Variants in KLHL1 observed in about 807,000 individuals in gnomAD.
The protein encoded by KLHL1 is kelch-like protein 1.
KLHL1 carries 47 observed loss-of-function variants against 77.7 expected under a neutral mutation model. The observed-to-expected ratio is 0.60, with a 90% confidence interval of 0.48 to 0.77. The LOEUF (loss-of-function observed/expected upper bound fraction) is 0.77. Among genes scored for constraint, KLHL1 ranks in the 30% least tolerant of loss-of-function variants. The pLI, the probability that KLHL1 is intolerant of heterozygous loss-of-function variation, is 0.00. For missense variants in KLHL1, 925 were observed against 910.8 expected (o/e 1.02, Z -0.20); for synonymous variants, 360 against 325.2 (o/e 1.11, Z -1.15).
At chr13:69,711,160 A>G (rs1875859330) in intron 9 of KLHL1, among the ~76,000 whole-genome samples, 1 of 152,116 alleles carries the variant, frequency 6.6e-6, no homozygotes, top group Non-Finnish European at 1.5e-5. Flanking sequence ...AAATTGTTTT[A>G]AATATAAAAA....
At chr13:69,860,961 T>C (rs1175843525) in intron 5 of KLHL1, among the ~76,000 whole-genome samples, 2 of 152,018 alleles carry the variant, frequency 1.3e-5, no homozygotes, top group African/African-American at 2.4e-5. Context: ...GTGTTGTTTA[T>C]AAAAATAATC....
At chr13:70,035,483 C>T (rs1251659723) in intron 1 of KLHL1, among the ~76,000 whole-genome samples, 1 of 148,104 alleles carries the variant, frequency 6.8e-6, no homozygotes, top group Non-Finnish European at 1.5e-5. Context: ...TTAATGGGTA[C>T]AAAAAATAAA....
intron 5 of KLHL1, among the ~76,000 whole-genome samples, chr13:69,867,260 T>C (rs1880400523): frequency 6.6e-6 from 1 of 152,228 alleles, no homozygotes; most frequent in East Asian, 1.9e-4. Context: ...GATTTTCTGT[T>C]CCTAAATTCT....
At position 69,975,619 on chromosome 13, in the gene KLHL1, C is replaced by A. The variant is rs752323124; in HGVS notation, c.680+1G>T. ...TTTCCAGTAGAGGCAGACTACTGTA[C>A]CTATGTGCAGGTATCTTTCGGTTCC... On this transcript the variant is annotated splice_donor_variant, in intron 2 of 10. Coordinates refer to ENST00000377844, the MANE Select transcript of KLHL1 (RefSeq NM_020866.3). LOFTEE classifies it high-confidence loss of function. The A allele has an allele frequency of 4.3e-6, 7 of 1,612,472 alleles. No individual in the cohort carries two copies. The Admixed American group carries it at 5.0e-5, about 12-fold the overall frequency.
In KLHL1 at chr13:70,105,609, G is replaced by A. The variant is rs1266764932; in HGVS notation, c.497+1594C>T. 3.3e-5 allele frequency among the ~76,000 whole-genome samples: 5 copies of A among 151,164 alleles called. No homozygotes were observed. The East Asian group carries it at 9.7e-4, about 29-fold the overall frequency. ...CCTAGTTTCCTTTTGAATATATAAG[G>A]TGAATTGCTTAATGTTTCTGGATAA... On this transcript the variant is annotated intron_variant, in intron 1 of 10. Transcript: ENST00000377844.
chr13:69,753,230 G>C (rs187152969), intron 7 of KLHL1, among the ~76,000 whole-genome samples: 1 of 152,034 alleles, frequency 6.6e-6, no homozygotes, highest in African/African-American at 2.4e-5. Context: ...AACCTTCATA[G>C]CTGTTAAAAT....
chr13:69,724,650 C>A (rs1294684178), intron 8 of KLHL1, among the ~76,000 whole-genome samples: 2 of 151,886 alleles, frequency 1.3e-5, no homozygotes, highest in Non-Finnish European at 2.9e-5. Context: ...AAACCATGAC[C>A]AAATAGAATT....
At chr13:69,833,546 T>A (rs1417820824) in intron 6 of KLHL1, among the ~76,000 whole-genome samples, 1 of 151,880 alleles carries the variant, frequency 6.6e-6, no homozygotes, top group Non-Finnish European at 1.5e-5. Context: ...AAAAACAGTA[T>A]GGAGATTCCT....
intron 1 of KLHL1, among the ~76,000 whole-genome samples, chr13:70,042,637 AC>A (rs1886404029): frequency 6.6e-6 from 1 of 152,214 alleles, no homozygotes; most frequent in Non-Finnish European, 1.5e-5. Context: ...AATACATAAT[AC>A]TTGATAATTA....
At chr13:70,068,738 G>C (rs933973112) in intron 1 of KLHL1, among the ~76,000 whole-genome samples, 1 of 152,182 alleles carries the variant, frequency 6.6e-6, no homozygotes, top group African/African-American at 2.4e-5. Context: ...TAATTTAATA[G>C]ATTATCTTGT....
chr13:69,731,911 G>A (rs1873560135), intron 8 of KLHL1, among the ~76,000 whole-genome samples: 1 of 151,994 alleles, frequency 6.6e-6, no homozygotes, highest in Admixed American at 6.6e-5. Flanking sequence ...GCATGTAGAA[G>A]TTTTTCCATC....
At chr13:69,926,326 C>T (rs941885432) in intron 4 of KLHL1, among the ~76,000 whole-genome samples, 1 of 151,976 alleles carries the variant, frequency 6.6e-6, no homozygotes, top group Non-Finnish European at 1.5e-5. Flanking sequence ...ATATTAAATG[C>T]CATGACTTTA....
chr13:69,936,796 C>T lies in KLHL1; in HGVS notation c.1014+3244G>A, dbSNP rs571077911. ...CTGAAGATTTCAACCTTCATTTCAA[C>T]ATGAATTTTCTCAAAAGCACTCTGC... On this transcript the variant is annotated intron_variant, in intron 4 of 10. Transcript: ENST00000377844. 3.9e-5 allele frequency among the ~76,000 whole-genome samples: 6 copies of T among 152,200 alleles called. No homozygotes were observed. The East Asian group carries it at 1.2e-3, about 29-fold the overall frequency.
At chr13:70,073,010 C>T (rs769084691) in intron 1 of KLHL1, among the ~76,000 whole-genome samples, 15 of 152,100 alleles carry the variant, frequency 9.9e-5, no homozygotes, top group Non-Finnish European at 1.5e-4. Context: ...GGTGATTCCT[C>T]AAGGATCTAG....
intron 6 of KLHL1, among the ~76,000 whole-genome samples, chr13:69,832,905 T>C (rs1593870290): frequency 6.6e-6 from 1 of 151,996 alleles, no homozygotes; most frequent in East Asian, 1.9e-4. Context: ...GCAAGCCACA[T>C]GGCAAAAAAC....
chr13:70,089,766 T>A (rs1887630166), intron 1 of KLHL1, among the ~76,000 whole-genome samples: 1 of 152,084 alleles, frequency 6.6e-6, no homozygotes, highest in South Asian at 2.1e-4. Context: ...ACCATGTACT[T>A]GCCTCAATTT....
chr13:69,869,897 T>C (rs539251608), intron 5 of KLHL1, among the ~76,000 whole-genome samples: 25 of 152,304 alleles, frequency 1.6e-4, no homozygotes, highest in African/African-American at 5.8e-4. Flanking sequence ...TTGTGAGTAA[T>C]GATTATTACA....
chr13:69,923,090 C>G (rs180811830), intron 4 of KLHL1, among the ~76,000 whole-genome samples: 5 of 152,046 alleles, frequency 3.3e-5, no homozygotes, highest in African/African-American at 1.2e-4. Context: ...TTACCCTCCC[C>G]AGAATGAGAC....
intron 1 of KLHL1, among the ~76,000 whole-genome samples, chr13:70,043,938 G>A (rs908900239): frequency 6.6e-6 from 1 of 152,248 alleles, no homozygotes; most frequent in East Asian, 1.9e-4. Flanking sequence ...TTCTGCAATT[G>A]TTCCCTACTG....
Sources: allele counts gnomAD v4.1 joint callset (sites outside exome capture counted in the v4.1 genomes callset), GRCh38; gene constraint gnomAD v4.1.1; transcripts MANE v1.5; gene names NCBI Gene and HGNC (gene_info 2026-07-23, HGNC 2026-07-21).